Variants in ZNF345 observed in about 807,000 individuals in gnomAD.
ZNF345 encodes the protein zinc finger protein 345, also known as zinc finger protein HZF10.
For synonymous variants in ZNF345, 166 were observed against 187.9 expected (o/e 0.88, Z 0.95); for missense variants, 527 against 589.9 (o/e 0.89, Z 1.10).
In ZNF345 at chr19:36,862,012, C is replaced by G. The variant is rs191966253; in HGVS notation, c.-47+10108C>G. 2.4e-4 allele frequency among the ~76,000 whole-genome samples: 36 copies of G among 152,102 alleles called. No individual in the cohort carries two copies. The East Asian group carries it at 7.0e-3, about 30-fold the overall frequency. On this transcript the variant is annotated intron_variant, in intron 2 of 2. Coordinates refer to ENST00000420450, the MANE Select transcript of ZNF345 (RefSeq NM_001242472.2). ...AGTAGCTGGAATTACAGGTGTCCAC[C>G]ACCACACCTGGCTAATTTTTGTATT...
chr19:36,855,088 T>A (rs1418617908), intron 2 of ZNF345, among the ~76,000 whole-genome samples: 6 of 151,644 alleles, frequency 4.0e-5, no homozygotes, highest in Admixed American at 2.0e-4. Context: ...CCTGACCTGG[T>A]GATCCGCCTG....
chr19:36,887,189 ACCACCAC>A (rs1568364519), intron 3 of ZNF345, among the ~76,000 whole-genome samples: 122 of 151,868 alleles, frequency 8.0e-4, no homozygotes, highest in African/African-American at 2.4e-3. Flanking sequence ...CACCACCACC[ACCACCAC>A]CAACAACAAC....
At chr19:36,865,458 T>G (rs1306984788) in intron 2 of ZNF345, among the ~76,000 whole-genome samples, 2 of 152,098 alleles carry the variant, frequency 1.3e-5, no homozygotes, top group Non-Finnish European at 2.9e-5. Context: ...TTCAAAATTT[T>G]TATTTATTTA....
chr19:36,872,304 T>C (rs1029670791), intron 2 of ZNF345, among the ~76,000 whole-genome samples: 2 of 152,186 alleles, frequency 1.3e-5, no homozygotes, highest in African/African-American at 4.8e-5. Context: ...TGTATGGATG[T>C]TTGTCCCCTC....
At chr19:36,871,943 T>A (rs575418301) in intron 2 of ZNF345, among the ~76,000 whole-genome samples, 70 of 152,086 alleles carry the variant, frequency 4.6e-4, no homozygotes, top group Non-Finnish European at 9.1e-4. Flanking sequence ...AATTTTGTAT[T>A]TTTAGTAGAG....
At chr19:36,873,686 G>C (rs1447726657) in intron 2 of ZNF345, among the ~76,000 whole-genome samples, 4 of 136,556 alleles carry the variant, frequency 2.9e-5, no homozygotes, top group South Asian at 4.4e-4. Context: ...TGCTATTTCT[G>C]TACTTTTTTT....
At chr19:36,860,026 C>G (rs890448529) in intron 2 of ZNF345, among the ~76,000 whole-genome samples, 1 of 152,012 alleles carries the variant, frequency 6.6e-6, no homozygotes, top group East Asian at 1.9e-4. Flanking sequence ...GGCGTGATCT[C>G]GGCTCACTGC....
At position 36,877,029 on chromosome 19, in the gene ZNF345, T is replaced by C. The variant is rs755901097; in HGVS notation, c.199T>C (p.Cys67Arg). Residue 67 changes from cysteine (C) to arginine (R), a missense_variant, in exon 3 of 3, where the codon TGT becomes CGT. Transcript: ENST00000420450. ...TGAGAAACTCCTTGAATGTAAGGAATGTGGGAAGGATTTTAGTTTTGTATC... is the reference window on the plus strand; with the variant it reads ...TGAGAAACTCCTTGAATGTAAGGAACGTGGGAAGGATTTTAGTTTTGTATC... ...TDEKLLECKE[C>R]GKDFSFVSVL... 5.0e-6 allele frequency: 8 copies of C among 1,614,038 alleles called. No individual in the cohort carries two copies. Among genetic ancestry groups the C allele is most frequent in the Middle Eastern group, 3.3e-4 (2 of 6,084 alleles).
rs778572487 is a variant in ZNF345, at chr19:36,877,058, C to G, written c.228C>G (p.Val76=). ...ECGKDFSFVS[V]LVRHQRIHTG... ...GGAAGGATTTTAGTTTTGTATCAGTCCTTGTTCGACATCAGCGAATTCATA... is the reference window on the plus strand; with the variant it reads ...GGAAGGATTTTAGTTTTGTATCAGTGCTTGTTCGACATCAGCGAATTCATA... The change falls in exon 3 of 3, where the codon GTC becomes GTG. Residue 76 remains valine, a synonymous_variant. Coordinates refer to ENST00000420450, the MANE Select transcript of ZNF345 (RefSeq NM_001242472.2). 7 of 1,614,038 alleles carry G rather than the reference C, an allele frequency of 4.3e-6. No homozygotes were observed. In the South Asian group the frequency reaches 7.7e-5, roughly 18 times the overall value.
At chr19:36,893,160 G>T (rs2073078376), downstream of ZNF345, 2 of 393,852 alleles carry the variant, frequency 5.1e-6, no homozygotes, top group South Asian at 1.4e-4. Context: ...CAGTGACTGT[G>T]CAATGGTATA....
chr19:36,871,366 A>C (rs549082117), intron 2 of ZNF345, among the ~76,000 whole-genome samples: 1 of 152,056 alleles, frequency 6.6e-6, no homozygotes, highest in African/African-American at 2.4e-5. Context: ...CCATCACCCA[A>C]ATTCTTCAGT....
rs570060450 is a variant in ZNF345 at position 36,886,898 on chromosome 19, G to C, written c.47-5920G>C. Among the ~76,000 whole-genome samples, 86 of 151,476 alleles carry C rather than the reference G, an allele frequency of 5.7e-4. 1 individual carries two copies. In the East Asian group the frequency reaches 0.016, roughly 27 times the overall value. On this transcript the variant is annotated intron_variant, in intron 3 of 3. Coordinates refer to the ZNF345 transcript ENST00000526123. ...AATCCCAGCTACTCGGGAGGCTGAG[G>C]CAGGAGAATGGCATGAACCCAAGAG... is the stretch of plus-strand genomic sequence containing the variant.
At position 36,877,124 on chromosome 19, in the gene ZNF345, C is replaced by G; in HGVS notation, c.294C>G (p.Ala98=). ...KPYECKECGK[A]FGSGANLAYH... is the part of the protein sequence containing the mutation. ...ATGAATGCAAAGAATGTGGCAAGGC[C>G]TTTGGTAGTGGTGCAAACCTTGCTT... The change falls in exon 3 of 3, where the codon GCC becomes GCG. Residue 98 remains alanine (A), a synonymous_variant. Transcript: ENST00000420450. The G allele has an allele frequency of 2.5e-6, 4 of 1,613,988 alleles. No homozygotes were observed. The highest frequency in any genetic ancestry group is 8.5e-7 in the Non-Finnish European group (1 of 1,179,966).
chr19:36,873,352 TA>T (rs2072808200), intron 2 of ZNF345, among the ~76,000 whole-genome samples: 1 of 152,154 alleles, frequency 6.6e-6, no homozygotes, highest in Non-Finnish European at 1.5e-5. Context: ...AATATTTGCC[TA>T]TTTTTTGTTT....
chr19:36,863,927 C>T (rs1157060087), intron 2 of ZNF345, among the ~76,000 whole-genome samples: 1 of 152,164 alleles, frequency 6.6e-6, no homozygotes, highest in Non-Finnish European at 1.5e-5. Flanking sequence ...TTAATTTCTA[C>T]CAACCCAAAT....
chr19:36,855,369 T>C (rs1225162840), intron 2 of ZNF345, among the ~76,000 whole-genome samples: 2 of 150,586 alleles, frequency 1.3e-5, no homozygotes, highest in Admixed American at 6.6e-5. Context: ...AGGATGGTCT[T>C]GATAACCTGA....
At chr19:36,853,185 TA>T (rs199813579) in intron 2 of ZNF345, among the ~76,000 whole-genome samples, 4,413 of 151,794 alleles carry the variant, frequency 0.029, 93 homozygotes, top group Admixed American at 0.044. Flanking sequence ...AATTTTTGTC[TA>T]CCTCAAGATA....
chr19:36,878,308 T>A lies in ZNF345; in HGVS notation c.*11T>A. On this transcript the variant is annotated 3_prime_UTR_variant, in exon 3 of 3. Transcript: ENST00000420450. ...GAAACTATAAATTGAAATTATGTGC[T>A]GAAGGAAGGACTCTAAACATATGAC... 6.5e-7 allele frequency: 1 copy of A among 1,548,464 alleles called. No homozygotes were observed. Among genetic ancestry groups the A allele is most frequent in the South Asian group, 1.3e-5 (1 of 77,724 alleles).
intron 2 of ZNF345, among the ~76,000 whole-genome samples, chr19:36,862,460 C>A (rs1392897462): frequency 6.6e-6 from 1 of 151,312 alleles, no homozygotes; most frequent in Non-Finnish European, 1.5e-5. Context: ...GCCGGGAGTT[C>A]AAGACCAGCC....
Sources: allele counts gnomAD v4.1 joint callset (sites outside exome capture counted in the v4.1 genomes callset), GRCh38; gene constraint gnomAD v4.1.1; transcripts MANE v1.5; gene names NCBI Gene and HGNC (gene_info 2026-07-23, HGNC 2026-07-21).